Variants in MBP observed in about 807,000 individuals in gnomAD.
MBP encodes the protein myelin basic protein.
In MBP, 16 loss-of-function variants were observed where a neutral mutation model predicts 35.8. The observed-to-expected ratio is 0.45, with a 90% CI of 0.30 to 0.68. The LOEUF is 0.68. Among genes scored for constraint, MBP ranks in the 30% least tolerant of loss-of-function variants. MBP has a pLI of 0.08. For synonymous variants in MBP, 143 were observed against 159.6 expected (o/e 0.90, Z 0.78); for missense variants, 380 against 404.7 (o/e 0.94, Z 0.52).
intron 3 of MBP, among the ~76,000 whole-genome samples, chr18:77,048,566 T>TCAAGC (rs55857785): frequency 1 from 152,192 of 152,202 alleles, 76,091 homozygotes; most frequent in Middle Eastern, 1. Context: ...CCTCCTGGGT[T>TCAAGC]AATTCTCTTG....
intron 3 of MBP, among the ~76,000 whole-genome samples, chr18:77,056,134 C>T (rs926536303): frequency 9.3e-5 from 14 of 149,760 alleles, no homozygotes; most frequent in Non-Finnish European, 1.8e-4. Flanking sequence ...TCCGTGACCC[C>T]GTGCGCCCGG....
chr18:76,990,348 T>G (rs1035418508), intron 4 of MBP, among the ~76,000 whole-genome samples: 1 of 151,752 alleles, frequency 6.6e-6, no homozygotes, highest in Non-Finnish European at 1.5e-5. Flanking sequence ...GAAGGTGGGA[T>G]GGTGTGCATT....
chr18:76,980,105 G>A lies in MBP; in HGVS notation c.*322C>T. The A allele has an allele frequency of 5.8e-6, 4 of 690,712 alleles. No homozygotes were observed. The highest frequency in any genetic ancestry group is 1.1e-5 in the Non-Finnish European group (4 of 380,704). 42.8% of individuals were successfully genotyped at this position (690,712 alleles called of 1,614,324 possible). On this transcript the variant is annotated 3_prime_UTR_variant, in exon 9 of 9. Transcript: ENST00000355994. Reference sequence around the variant, plus strand: ...CACGGCGAAAAGAAAGTCCAAGGGTGGAGGGGTGAACGTGGAGGGACGTCT... The same window carrying A: ...CACGGCGAAAAGAAAGTCCAAGGGTAGAGGGGTGAACGTGGAGGGACGTCT...
intron 3 of MBP, among the ~76,000 whole-genome samples, chr18:77,026,668 C>G (rs557280048): frequency 6.6e-6 from 1 of 152,086 alleles, no homozygotes; most frequent in African/African-American, 2.4e-5. Flanking sequence ...AAGTTTGAGA[C>G]AACCCTGAGC....
chr18:77,037,530 G>A (rs1815368713), intron 3 of MBP, among the ~76,000 whole-genome samples: 1 of 152,244 alleles, frequency 6.6e-6, no homozygotes. Context: ...AGGTCTCTGA[G>A]CAGGATCTGG....
At chr18:77,011,827 A>G (rs1313115229) in intron 4 of MBP, among the ~76,000 whole-genome samples, 1 of 152,238 alleles carries the variant, frequency 6.6e-6, no homozygotes, top group Non-Finnish European at 1.5e-5. Context: ...ACTTTTAAAA[A>G]CATTGAATCA....
At chr18:77,127,303 A>T (rs1977081594) in intron 1 of MBP, 1 of 152,242 alleles carries the variant, frequency 6.6e-6, no homozygotes, top group African/African-American at 2.4e-5. Flanking sequence ...TTCAACTAAT[A>T]GTCCCGGAGC....
intron 3 of MBP, among the ~76,000 whole-genome samples, chr18:77,063,605 C>G (rs35066411): frequency 0.025 from 3,880 of 152,300 alleles, 96 homozygotes; most frequent in East Asian, 0.09. Context: ...GTCCAAGGAC[C>G]TGGGAACACC....
chr18:77,049,767 C>T (rs909601576), intron 3 of MBP, among the ~76,000 whole-genome samples: 17 of 152,016 alleles, frequency 1.1e-4, no homozygotes, highest in African/African-American at 4.1e-4. Context: ...GCAACCTCTG[C>T]CTCCCGGATT....
chr18:77,058,034 G>A (rs193149974), intron 3 of MBP, among the ~76,000 whole-genome samples: 1,276 of 21,150 alleles, frequency 0.06, 465 homozygotes, highest in Non-Finnish European at 0.05. Context: ...GGGTTTCACC[G>A]TGTTAGCCAG....
Position 77,040,401 on chromosome 18 carries a change from G to T in MBP, c.140-23133C>A, listed in dbSNP as rs533301740. Reference sequence around the variant, plus strand: ...ATGCCATCCCCATCAAGCTACCAATGACTTTCTTCACAGAATTGGAAAAAA... The same window carrying T: ...ATGCCATCCCCATCAAGCTACCAATTACTTTCTTCACAGAATTGGAAAAAA... On this transcript the variant is annotated intron_variant, in intron 3 of 8. Transcript: ENST00000355994. Among the ~76,000 whole-genome samples the T allele has an allele frequency of 7.2e-5, 11 of 152,284 alleles. No individual in the cohort carries two copies. In the South Asian group the frequency reaches 2.1e-3, roughly 29 times the overall value.
intron 3 of MBP, among the ~76,000 whole-genome samples, chr18:77,054,422 C>T (rs563690215): frequency 4.1e-4 from 62 of 152,276 alleles, no homozygotes; most frequent in African/African-American, 1.4e-3. Flanking sequence ...AGGGAGGGGC[C>T]GCAGGAGATG....
intron 4 of MBP, among the ~76,000 whole-genome samples, chr18:77,011,162 G>C (rs988838152): frequency 6.6e-5 from 10 of 152,204 alleles, no homozygotes; most frequent in Non-Finnish European, 1.0e-4. Flanking sequence ...CCCTGCATGA[G>C]AGAGGCTATT....
chr18:76,989,892 A>G lies in MBP; in HGVS notation c.681+64T>C. The G allele has an allele frequency of 7.3e-7, 1 of 1,378,636 alleles. No individual in the cohort carries two copies. The highest frequency in any genetic ancestry group is 1.7e-5 in the Admixed American group (1 of 59,550). The allele number at this position is 1,378,636 out of a possible 1,614,324, so 85.4% of individuals were successfully genotyped here. A position where few individuals can be genotyped will look rare whatever the true frequency, so the allele number is the denominator to read the frequency against. On this transcript the variant is annotated intron_variant, in intron 5 of 8. Transcript: ENST00000355994. This position sits in a 1 kb window ranked among gnomAD's most constrained non-coding sequence, Gnocchi z 4.0. ...CGTACGAACGTCCTGTGTGGATGACAGCAGTGGCCAGCACCCCTCCTCCCC... is the reference window on the plus strand; with the variant it reads ...CGTACGAACGTCCTGTGTGGATGACGGCAGTGGCCAGCACCCCTCCTCCCC...
intron 2 of MBP, among the ~76,000 whole-genome samples, chr18:77,100,675 C>T (rs1199994922): frequency 6.6e-6 from 1 of 152,072 alleles, no homozygotes; most frequent in Non-Finnish European, 1.5e-5. Flanking sequence ...CCTCAGCTTT[C>T]CGAGTAGCTG....
chr18:77,026,235 C>G (rs1972217377), intron 3 of MBP, among the ~76,000 whole-genome samples: 1 of 152,278 alleles, frequency 6.6e-6, no homozygotes, highest in South Asian at 2.1e-4. Flanking sequence ...GGGCGGCTGT[C>G]AGCCGCAACC....
At position 76,980,079 on chromosome 18, in the gene MBP, C is replaced by T. The variant is rs888449487; in HGVS notation, c.*348G>A. 10 of 698,060 alleles carry T rather than the reference C, an allele frequency of 1.4e-5. No homozygotes were observed. In the African/African-American group the frequency reaches 1.8e-4, roughly 12 times the overall value. The allele number at this position is 698,060 out of a possible 1,614,324, so 43.2% of individuals were successfully genotyped here. A position where few individuals can be genotyped will look rare whatever the true frequency, so the allele number is the denominator to read the frequency against. ...CAGCAAAAGCGCAAGGGTGCCGCAG[C>T]CACGGCGAAAAGAAAGTCCAAGGGT... On this transcript the variant is annotated 3_prime_UTR_variant, in exon 9 of 9. Transcript: ENST00000355994.
intron 4 of MBP, chr18:77,016,293 C>T (rs948250649): frequency 1.0e-6 from 1 of 986,210 alleles, no homozygotes; most frequent in African/African-American, 1.7e-5. Flanking sequence ...CCCCCTTCCA[C>T]TTCTCAGACC....
intron 1 of MBP, chr18:77,109,593 A>G (rs1976385348): frequency 6.6e-6 from 1 of 152,264 alleles, no homozygotes; most frequent in Non-Finnish European, 1.5e-5. Flanking sequence ...ATCGTGAGAT[A>G]GAGAAGACCT....
Sources: gnomAD v4.1 joint callset for allele counts (sites outside exome capture counted in the v4.1 genomes callset) on GRCh38, gnomAD v4.1.1 for gene constraint, Gnocchi (gnomAD v3.1) non-coding constraint, MANE v1.5 for transcripts, NCBI Gene and HGNC (gene_info 2026-07-23, HGNC 2026-07-21) for gene names.